Variants in TENM2 observed in about 807,000 individuals in gnomAD.
TENM2 encodes teneurin-2.
A neutral mutation model predicts 245.2 loss-of-function variants in TENM2; 52 were observed. The ratio of observed to expected loss-of-function variants is 0.21; its 90% CI spans 0.17 to 0.27. The LOEUF (loss-of-function observed/expected upper bound fraction) is 0.27, where lower values mean the gene tolerates loss of function less well. TENM2 is among the 10% of genes least tolerant of loss of function. TENM2 has a pLI of 1.00. For missense variants in TENM2, 3,046 were observed against 3,666.8 expected (o/e 0.83, Z 4.37); for synonymous variants, 1,363 against 1,438.9 (o/e 0.95, Z 1.19).
chr5:167,267,274 T>C, the TENM2 span, among the ~76,000 whole-genome samples: 8 of 152,170 alleles, frequency 5.3e-5, no homozygotes, highest in African/African-American at 1.9e-4. Context: ...CCAATATTAA[T>C]TCATCAAGCA....
chr5:166,989,124 C>T, the TENM2 span, among the ~76,000 whole-genome samples: 1 of 151,812 alleles, frequency 6.6e-6, no homozygotes, highest in Non-Finnish European at 1.5e-5. Flanking sequence ...GCCTGGAGTA[C>T]AGTGGTGCAA....
intron 12 of TENM2, among the ~76,000 whole-genome samples, chr5:168,132,195 A>G (rs913302013): frequency 1.3e-5 from 2 of 152,312 alleles, no homozygotes; most frequent in Middle Eastern, 3.4e-3. Context: ...ATGTTTTCAC[A>G]TCACTGCAAA....
At chr5:168,050,770 A>G (rs937457119) in intron 6 of TENM2, among the ~76,000 whole-genome samples, 2 of 152,342 alleles carry the variant, frequency 1.3e-5, no homozygotes, top group African/African-American at 4.8e-5. Context: ...CACTTGATTA[A>G]TTAGTTGGGA....
intron 2 of TENM2, among the ~76,000 whole-genome samples, chr5:167,609,275 C>T (rs953920582): frequency 9.2e-5 from 14 of 151,928 alleles, no homozygotes; most frequent in African/African-American, 3.4e-4. Context: ...CAAGTAGAGT[C>T]GCATTTCTTG....
chr5:167,211,822 T>C, the TENM2 span, among the ~76,000 whole-genome samples: 3 of 152,170 alleles, frequency 2.0e-5, no homozygotes, highest in Non-Finnish European at 4.4e-5. Flanking sequence ...TTATATTATA[T>C]GTAATGTCAT....
chr5:167,755,525 A>C (rs1385731126), intron 2 of TENM2, among the ~76,000 whole-genome samples: 1 of 152,094 alleles, frequency 6.6e-6, no homozygotes, highest in Non-Finnish European at 1.5e-5. Context: ...ACATCTGTTA[A>C]GTCAAGCATC....
chr5:167,339,801 CT>C (rs1267380383), intron 1 of TENM2, among the ~76,000 whole-genome samples: 3 of 152,016 alleles, frequency 2.0e-5, no homozygotes, highest in African/African-American at 2.4e-5. Flanking sequence ...AGTTTTGTTT[CT>C]TTTTTATCCC....
At chr5:168,157,179 A>G (rs573414005) in intron 12 of TENM2, among the ~76,000 whole-genome samples, 12 of 152,130 alleles carry the variant, frequency 7.9e-5, no homozygotes, top group Non-Finnish European at 1.8e-4. Flanking sequence ...GGAGGAGGTG[A>G]CTTCTGAGTG....
chr5:167,764,079 G>A (rs941156845), intron 2 of TENM2, among the ~76,000 whole-genome samples: 1 of 151,990 alleles, frequency 6.6e-6, no homozygotes, highest in African/African-American at 2.4e-5. Context: ...GATAGGATCT[G>A]GCAGACAGGG....
the TENM2 span, among the ~76,000 whole-genome samples, chr5:167,156,711 G>A: frequency 1.3e-5 from 2 of 152,120 alleles, no homozygotes; most frequent in African/African-American, 2.4e-5. Context: ...ACCGCACACT[G>A]AGAAACTCAA....
At chr5:168,121,783 G>T (rs1340659177) in intron 10 of TENM2, among the ~76,000 whole-genome samples, 1 of 151,590 alleles carries the variant, frequency 6.6e-6, no homozygotes, top group East Asian at 1.9e-4. Flanking sequence ...GCTAATTATA[G>T]GTTAAGAACA....
At chr5:167,453,878 A>T (rs900204160) in intron 2 of TENM2, among the ~76,000 whole-genome samples, 1 of 152,324 alleles carries the variant, frequency 6.6e-6, no homozygotes, top group East Asian at 1.9e-4. Context: ...CACTCTAACA[A>T]ATTACTAGCA....
At chr5:167,349,508 C>A (rs913059839) in intron 1 of TENM2, among the ~76,000 whole-genome samples, 1 of 152,102 alleles carries the variant, frequency 6.6e-6, no homozygotes, top group Non-Finnish European at 1.5e-5. Flanking sequence ...AGAGATTACT[C>A]AAAAATTATT....
chr5:168,202,738 C>G (rs963578459), intron 17 of TENM2, among the ~76,000 whole-genome samples: 1 of 151,972 alleles, frequency 6.6e-6, no homozygotes, highest in Non-Finnish European at 1.5e-5. Context: ...AATGCATCCT[C>G]CATTCATATT....
chr5:167,307,395 T>C (rs1200082630), intron 1 of TENM2, among the ~76,000 whole-genome samples: 2 of 151,806 alleles, frequency 1.3e-5, no homozygotes, highest in Admixed American at 6.6e-5. Flanking sequence ...AGGAGAAAAA[T>C]AAAGGGAGGG....
chr5:167,896,309 C>G (rs1775216601), intron 3 of TENM2, among the ~76,000 whole-genome samples: 1 of 152,198 alleles, frequency 6.6e-6, no homozygotes. Context: ...GCTTGAATAG[C>G]TAAAGGAAAG....
At chr5:167,487,689 C>T (rs1352783400) in intron 2 of TENM2, among the ~76,000 whole-genome samples, 2 of 152,060 alleles carry the variant, frequency 1.3e-5, no homozygotes, top group African/African-American at 2.4e-5. Context: ...AATCTTTTGG[C>T]TGGTTAAGTA....
At chr5:167,920,055 A>G (rs911881152) in intron 3 of TENM2, among the ~76,000 whole-genome samples, 1 of 152,076 alleles carries the variant, frequency 6.6e-6, no homozygotes, top group South Asian at 2.1e-4. Flanking sequence ...AGGAAAGGAG[A>G]TGGGAATAGA....
intron 3 of TENM2, among the ~76,000 whole-genome samples, chr5:167,929,069 GAA>G (rs1561945617): frequency 5.3e-5 from 1 of 18,836 alleles, no homozygotes; most frequent in East Asian, 1.6e-3. Flanking sequence ...GAGAAAGAAA[GAA>G]AGAAAGAAAG....
Sources: allele counts gnomAD v4.1 joint callset (sites outside exome capture counted in the v4.1 genomes callset), GRCh38; gene constraint gnomAD v4.1.1; transcripts MANE v1.5; gene names NCBI Gene and HGNC (gene_info 2026-07-23, HGNC 2026-07-21).